The following CLSTN2 variants were observed in gnomAD, a reference collection of about 807,000 sequenced individuals.
CLSTN2 encodes calsyntenin 2.
Under a neutral mutation model 101.2 loss-of-function variants are expected in CLSTN2, and 48 were observed. The ratio of observed to expected loss-of-function variants is 0.47; its 90% CI spans 0.38 to 0.60. The LOEUF (loss-of-function observed/expected upper bound fraction) is 0.60. Ranked by LOEUF, CLSTN2 falls within the 20% of genes least tolerant of loss-of-function variation. CLSTN2 has a pLI of 0.00. For missense variants in CLSTN2, 1,160 were observed against 1,238.2 expected, an observed-to-expected ratio of 0.94 and a Z score of 0.95; for synonymous variants, 481 against 463.6, an observed-to-expected ratio of 1.04 and a Z score of -0.48.
chr3:140,341,045 C>A (rs1376307119), intron 2 of CLSTN2, among the ~76,000 whole-genome samples: 1 of 152,170 alleles, frequency 6.6e-6, no homozygotes, highest in African/African-American at 2.4e-5. Context: ...CCTTGACCAC[C>A]TGGTTGAGGT....
At chr3:140,241,880 T>TATATATACACATATATACACACACACAC (rs1576480872) in intron 2 of CLSTN2, among the ~76,000 whole-genome samples, 1 of 140,072 alleles carries the variant, frequency 7.1e-6, no homozygotes, top group African/African-American at 2.7e-5. Flanking sequence ...CATATATATA[T>TATATATACACATATATACACACACACAC]ACACACACAC....
chr3:140,509,774 A>T (rs1272953015), intron 8 of CLSTN2, among the ~76,000 whole-genome samples: 1 of 152,166 alleles, frequency 6.6e-6, no homozygotes, highest in Non-Finnish European at 1.5e-5. Flanking sequence ...TGGTTCTCAC[A>T]TCAACACCGT....
chr3:140,506,160 A>G (rs140385941), intron 8 of CLSTN2: 1 of 152,336 alleles, frequency 6.6e-6, no homozygotes, highest in African/African-American at 2.4e-5. Flanking sequence ...TCTGCTATTT[A>G]TCTGCCTAGG....
At chr3:140,119,911 C>G (rs910093138) in intron 1 of CLSTN2, among the ~76,000 whole-genome samples, 1 of 152,108 alleles carries the variant, frequency 6.6e-6, no homozygotes, top group Non-Finnish European at 1.5e-5. Flanking sequence ...ACTCCATGAG[C>G]CTCAGTTTCA....
chr3:140,247,802 C>T (rs1364586866), intron 2 of CLSTN2, among the ~76,000 whole-genome samples: 1 of 152,164 alleles, frequency 6.6e-6, no homozygotes, highest in Non-Finnish European at 1.5e-5. Context: ...GATGGAACAT[C>T]TCTAGCAGTC....
intron 1 of CLSTN2, among the ~76,000 whole-genome samples, chr3:140,066,300 C>T (rs1054536342): frequency 6.6e-6 from 1 of 152,220 alleles, no homozygotes; most frequent in African/African-American, 2.4e-5. Flanking sequence ...CTTCCTACCT[C>T]TTAAAGGGAA....
At chr3:140,179,318 T>C (rs2010371083) in intron 2 of CLSTN2, among the ~76,000 whole-genome samples, 1 of 151,690 alleles carries the variant, frequency 6.6e-6, no homozygotes, top group Non-Finnish European at 1.5e-5. Flanking sequence ...TTCTACCTTT[T>C]TTTTTTTCAA....
chr3:140,272,603 T>C (rs1029461958), intron 2 of CLSTN2, among the ~76,000 whole-genome samples: 2 of 151,952 alleles, frequency 1.3e-5, no homozygotes, highest in Non-Finnish European at 2.9e-5. Flanking sequence ...AATGCAAAAA[T>C]TAACTGGGTA....
chr3:140,504,698 A>G (rs1001138611), intron 8 of CLSTN2, among the ~76,000 whole-genome samples: 4 of 152,226 alleles, frequency 2.6e-5, no homozygotes, highest in Non-Finnish European at 4.4e-5. Context: ...GAACCAGCAC[A>G]TGCTTTGCCT....
chr3:140,421,044 G>A (rs907786612), intron 4 of CLSTN2, 81 bp from the exon 5 acceptor site: 5 of 1,395,414 alleles, frequency 3.6e-6, no homozygotes, highest in Admixed American at 1.8e-5. Context: ...GTGAAGGTGG[G>A]TGGAGTGGAG....
intron 1 of CLSTN2, among the ~76,000 whole-genome samples, chr3:140,103,306 C>T (rs2008999072): frequency 6.6e-6 from 1 of 152,218 alleles, no homozygotes; most frequent in Non-Finnish European, 1.5e-5. Flanking sequence ...TCATCACTCT[C>T]TGCTGCAGAA....
At chr3:140,369,219 T>G (rs2087824735) in intron 2 of CLSTN2, among the ~76,000 whole-genome samples, 1 of 152,208 alleles carries the variant, frequency 6.6e-6, no homozygotes, top group Non-Finnish European at 1.5e-5. Flanking sequence ...GAAGAATAAT[T>G]AGTAAATTCA....
chr3:140,489,556 G>A (rs1934299872), intron 8 of CLSTN2, among the ~76,000 whole-genome samples: 1 of 152,040 alleles, frequency 6.6e-6, no homozygotes, highest in Non-Finnish European at 1.5e-5. Flanking sequence ...CACCTAACTG[G>A]GCCTGGGGGT....
intron 8 of CLSTN2, among the ~76,000 whole-genome samples, chr3:140,497,511 T>G (rs1264246477): frequency 6.6e-6 from 1 of 152,098 alleles, no homozygotes; most frequent in Non-Finnish European, 1.5e-5. Flanking sequence ...ACCGCAGAAA[T>G]GGCGGCCGCC....
chr3:139,975,317 T>C (rs1029977676), intron 1 of CLSTN2, among the ~76,000 whole-genome samples: 2 of 152,126 alleles, frequency 1.3e-5, no homozygotes, highest in Non-Finnish European at 2.9e-5. Flanking sequence ...CTTCAGGCCC[T>C]GGCATGGGAA....
chr3:140,357,429 C>G (rs905284777), intron 2 of CLSTN2, among the ~76,000 whole-genome samples: 1 of 152,144 alleles, frequency 6.6e-6, no homozygotes, highest in African/African-American at 2.4e-5. Flanking sequence ...CCCCTCCAGA[C>G]GTCTTTCCAA....
intron 2 of CLSTN2, among the ~76,000 whole-genome samples, chr3:140,377,982 C>A (rs999548491): frequency 2.0e-5 from 3 of 152,064 alleles, no homozygotes; most frequent in African/African-American, 7.2e-5. Context: ...TTTTACTGAG[C>A]CTTTTCTATG....
chr3:140,100,278 A>C (rs2008943498), intron 1 of CLSTN2, among the ~76,000 whole-genome samples: 3 of 151,376 alleles, frequency 2.0e-5, no homozygotes, highest in Admixed American at 1.3e-4. Context: ...GACACAGGAC[A>C]TTTTTCTATT....
intron 10 of CLSTN2, among the ~76,000 whole-genome samples, chr3:140,550,279 G>T (rs1293898456): frequency 6.6e-6 from 1 of 151,450 alleles, no homozygotes; most frequent in African/African-American, 2.4e-5. Context: ...TGGGGTTTAG[G>T]ATGCTCACTC....
Sources: gnomAD v4.1 joint callset for allele counts (sites outside exome capture counted in the v4.1 genomes callset) on GRCh38, gnomAD v4.1.1 for gene constraint, MANE v1.5 for transcripts, NCBI Gene and HGNC (gene_info 2026-07-23, HGNC 2026-07-21) for gene names.